Variants in RYR3 observed in about 807,000 individuals in gnomAD.
RYR3 encodes the protein brain ryanodine receptor-calcium release channel.
Under a neutral mutation model 584.3 loss-of-function variants are expected in RYR3, and 207 were observed. The observed-to-expected ratio is 0.35, with a 90% CI of 0.32 to 0.40. The LOEUF (loss-of-function observed/expected upper bound fraction) is 0.40, where lower values mean the gene tolerates loss of function less well. Ranked by LOEUF, RYR3 falls within the 10% of genes least tolerant of loss-of-function variation. RYR3 has a pLI of 1.00. For synonymous variants in RYR3, 2,416 were observed against 2,248.5 expected, an observed-to-expected ratio of 1.07 and a Z score of -2.11; for missense variants, 5,616 against 6,089.2, an observed-to-expected ratio of 0.92 and a Z score of 2.59.
intron 7 of RYR3, 45 bp downstream of exon 7, chr15:33,540,935 C>A: frequency 8.0e-7 from 1 of 1,250,574 alleles, no homozygotes; most frequent in Non-Finnish European, 1.2e-6. Context: ...GCCTATCTCT[C>A]TTGAGCTGTA....
chr15:33,768,436 G>A (rs1424369744), intron 60 of RYR3, among the ~76,000 whole-genome samples: 1 of 152,176 alleles, frequency 6.6e-6, no homozygotes, highest in East Asian at 1.9e-4. Flanking sequence ...AATAAAGATG[G>A]AGCTGCCTGC....
In RYR3 at chr15:33,848,375, GAAGATGACATC is replaced by G; in HGVS notation, c.13586_13596del (p.Asp4529GlyfsTer15). On this transcript the variant is annotated frameshift_variant, in exon 94 of 104. Coordinates refer to ENST00000634891, the MANE Select transcript of RYR3 (RefSeq NM_001036.6). LOFTEE classifies it high-confidence loss of function. ...CCTATATATCACCGAACAGCCATCT[GAAGATGACATC>G]AAGGGGCAGTGGGACCGCTTGGTGA... The G allele has an allele frequency of 6.2e-7, 1 of 1,613,714 alleles. No homozygotes were observed.
At chr15:33,859,335 C>T (rs548524176) in intron 99 of RYR3, among the ~76,000 whole-genome samples, 1 of 152,312 alleles carries the variant, frequency 6.6e-6, no homozygotes, top group East Asian at 1.9e-4. Flanking sequence ...CTTTAATGGG[C>T]CTAAAAATAC....
intron 9 of RYR3, among the ~76,000 whole-genome samples, chr15:33,549,071 T>A (rs1190299206): frequency 5.0e-4 from 8 of 16,136 alleles, no homozygotes; most frequent in South Asian, 2.5e-3. Flanking sequence ...ATGCACACGT[T>A]TTTTTTTTCT....
chr15:33,778,681 G>C (rs4779646), intron 64 of RYR3, among the ~76,000 whole-genome samples: 1 of 152,104 alleles, frequency 6.6e-6, no homozygotes, highest in Admixed American at 6.5e-5. Flanking sequence ...AGCAGTCTCC[G>C]TCTCTGGGCA....
chr15:33,764,572 A>G (rs1414494124), intron 60 of RYR3, among the ~76,000 whole-genome samples: 1 of 143,708 alleles, frequency 7.0e-6, no homozygotes, highest in Non-Finnish European at 1.5e-5. Flanking sequence ...AACTTAAACC[A>G]TAATTAAAAA....
chr15:33,570,643 G>C (rs1343399330), intron 12 of RYR3, among the ~76,000 whole-genome samples: 1 of 151,824 alleles, frequency 6.6e-6, no homozygotes, highest in Non-Finnish European at 1.5e-5. Context: ...AATTTTGATG[G>C]GTATTAAATT....
chr15:33,752,521 GCT>G (rs1407195609), intron 57 of RYR3, among the ~76,000 whole-genome samples: 1 of 151,978 alleles, frequency 6.6e-6, no homozygotes, highest in Non-Finnish European at 1.5e-5. Context: ...TCGTGATTTG[GCT>G]CTCTGTTTGT....
chr15:33,636,573 A>AC (rs769164406), intron 27 of RYR3, 23 bp downstream of exon 27: 7 of 1,545,954 alleles, frequency 4.5e-6, no homozygotes, highest in Non-Finnish European at 6.1e-6. Context: ...CCCTCTGCCA[A>AC]CCCCAGCTCC....
At chr15:33,473,610 C>G (rs1277799123) in intron 2 of RYR3, 72 bp downstream of exon 2, 5 of 1,480,834 alleles carry the variant, frequency 3.4e-6, no homozygotes. Context: ...GGAGATACTG[C>G]TGGGAGATGG....
chr15:33,423,657 GT>G (rs544626105), intron 1 of RYR3, among the ~76,000 whole-genome samples: 6 of 146,908 alleles, frequency 4.1e-5, no homozygotes, highest in South Asian at 2.1e-4. Flanking sequence ...TATTTTCCAG[GT>G]TTTTTTTTTA....
intron 98 of RYR3, among the ~76,000 whole-genome samples, chr15:33,855,678 A>C (rs995150273): frequency 1.3e-5 from 2 of 151,938 alleles, no homozygotes; most frequent in East Asian, 3.9e-4. Context: ...TTTCAGATAC[A>C]CACACACATA....
chr15:33,490,550 A>C (rs1216788564), intron 2 of RYR3, among the ~76,000 whole-genome samples: 2 of 152,152 alleles, frequency 1.3e-5, no homozygotes, highest in East Asian at 3.9e-4. Flanking sequence ...AAGAGTAGTC[A>C]CTTCAGACTT....
At chr15:33,575,476 A>G (rs940761701) in intron 12 of RYR3, among the ~76,000 whole-genome samples, 2 of 152,138 alleles carry the variant, frequency 1.3e-5, no homozygotes, top group Non-Finnish European at 2.9e-5. Flanking sequence ...AAAATCACAC[A>G]ACTACATGGG....
rs1040587737 is a variant in RYR3, at chr15:33,748,312, A to C, written c.8136+52A>C. 95 of 1,600,834 alleles carry C rather than the reference A, an allele frequency of 5.9e-5. 2 individuals carry two copies. The South Asian group carries it at 8.6e-4, about 14-fold the overall frequency. On this transcript the variant is annotated intron_variant, in intron 54 of 103. Transcript: ENST00000634891. Reference sequence around the variant, plus strand: ...GCTGGGCCGATGGAAGCCATGGAGAATCTGGGAATGTTCTGCCTGGGGCAT... The same window carrying C: ...GCTGGGCCGATGGAAGCCATGGAGACTCTGGGAATGTTCTGCCTGGGGCAT...
At chr15:33,856,615 T>G (rs2079688311) in intron 98 of RYR3, 1 of 152,778 alleles carries the variant, frequency 6.5e-6, no homozygotes, top group Admixed American at 6.6e-5. Context: ...TAGTATAAGG[T>G]AGGGATATCC....
Position 33,772,146 on chromosome 15 carries a change from A to G in RYR3, c.9043A>G (p.Met3015Val). The change falls in exon 63 of 104, where the codon ATG becomes GTG. Residue 3015 changes from methionine (M) to valine (V), a missense_variant. Met to Val is a conservative substitution (Grantham distance 21). This residue lies in a region of RYR3 where 954 missense variants were observed against 1,132.2 expected (regional missense o/e 0.84). Coordinates refer to ENST00000634891, the MANE Select transcript of RYR3 (RefSeq NM_001036.6). The part of the protein sequence containing the change: ...FEHVTQHQFG[M>V]DLLLGDVQIS... ...GCACGTCACTCAGCATCAGTTTGGAATGGATCTACTCTGTGAGTTCTACTG... is the reference window on the plus strand; with the variant it reads ...GCACGTCACTCAGCATCAGTTTGGAGTGGATCTACTCTGTGAGTTCTACTG... 1 of 1,608,898 alleles carries G rather than the reference A, an allele frequency of 6.2e-7. No individual in the cohort carries two copies. Among genetic ancestry groups the G allele is most frequent in the Non-Finnish European group, 8.5e-7 (1 of 1,175,786 alleles).
chr15:33,807,427 T>G, intron 69 of RYR3, 128 bp from the exon 70 acceptor site: 1 of 906,596 alleles, frequency 1.1e-6, no homozygotes. Context: ...ACCATTGAGT[T>G]TCTGTTGTGT....
intron 19 of RYR3, among the ~76,000 whole-genome samples, chr15:33,615,905 T>C (rs2060425630): frequency 6.6e-6 from 1 of 152,148 alleles, no homozygotes; most frequent in Non-Finnish European, 1.5e-5. Context: ...CCCACTCCAC[T>C]CCTTAGGAAT....
Sources: gnomAD v4.1 joint callset for allele counts (sites outside exome capture counted in the v4.1 genomes callset) on GRCh38, gnomAD v4.1.1 for gene constraint, gnomAD v4.1.1 regional missense constraint, MANE v1.5 for transcripts, NCBI Gene and HGNC (gene_info 2026-07-23, HGNC 2026-07-21) for gene names.